NELL2: variants seen among roughly 807,000 people sequenced by gnomAD.
NELL2 encodes the protein protein kinase C-binding protein NELL2.
In NELL2, 41 loss-of-function variants were observed where a neutral mutation model predicts 109.6. The observed-to-expected ratio is 0.37, with a 90% confidence interval of 0.29 to 0.49. The LOEUF is 0.49. Ranked by LOEUF, NELL2 falls within the 20% of genes least tolerant of loss-of-function variation. The pLI is 0.98. For synonymous variants in NELL2, 355 were observed against 344.7 expected, an observed-to-expected ratio of 1.03 and a Z score of -0.33; for missense variants, 900 against 1,008.3, an observed-to-expected ratio of 0.89 and a Z score of 1.45.
chr12:44,543,302 C>T (rs967175925), intron 15 of NELL2, among the ~76,000 whole-genome samples: 1 of 152,118 alleles, frequency 6.6e-6, no homozygotes, highest in African/African-American at 2.4e-5. Context: ...TCAGCAAATC[C>T]TATTAGTAAT....
chr12:44,607,402 A>G, intron 14 of NELL2, 138 bp from the exon 15 acceptor site: 1 of 604,626 alleles, frequency 1.7e-6, no homozygotes. Context: ...TTCATGTAAT[A>G]TTTCCCATAC....
At chr12:44,710,420 T>C (rs1938133651) in intron 11 of NELL2, among the ~76,000 whole-genome samples, 2 of 152,078 alleles carry the variant, frequency 1.3e-5, no homozygotes, top group East Asian at 3.9e-4. Context: ...ATTAAGGATA[T>C]AGAGATGAAC....
intron 2 of NELL2, among the ~76,000 whole-genome samples, chr12:44,862,645 G>C (rs1477917024): frequency 1.3e-5 from 2 of 152,148 alleles, no homozygotes; most frequent in African/African-American, 4.8e-5. Flanking sequence ...ACAGTGAGCT[G>C]CACTTTTTTT....
chr12:44,889,399 T>C (rs1592705941), intron 1 of NELL2, among the ~76,000 whole-genome samples: 2 of 151,952 alleles, frequency 1.3e-5, no homozygotes, highest in Admixed American at 6.5e-5. Flanking sequence ...CAAAAGCTTA[T>C]CCCACCATGC....
At chr12:44,813,614 A>C (rs1237044819) in intron 3 of NELL2, among the ~76,000 whole-genome samples, 3 of 152,156 alleles carry the variant, frequency 2.0e-5, no homozygotes, top group African/African-American at 4.8e-5. Flanking sequence ...GAATACCCAA[A>C]AGTAAGGGGT....
intron 13 of NELL2, among the ~76,000 whole-genome samples, chr12:44,620,119 TTG>T (rs1194840745): frequency 6.0e-5 from 8 of 133,568 alleles, no homozygotes; most frequent in African/African-American, 2.6e-4. Context: ...CGCCTGGGTT[TTG>T]TTTTTTTTTT....
intron 3 of NELL2, among the ~76,000 whole-genome samples, chr12:44,786,660 A>G (rs1363804319): frequency 6.6e-6 from 1 of 152,196 alleles, no homozygotes; most frequent in African/African-American, 2.4e-5. Flanking sequence ...GATAAAGAAA[A>G]TGTGGCATAT....
At chr12:44,717,227 T>C (rs1265010956) in intron 9 of NELL2, among the ~76,000 whole-genome samples, 1 of 152,110 alleles carries the variant, frequency 6.6e-6, no homozygotes, top group Non-Finnish European at 1.5e-5. Flanking sequence ...TCAAAAAAGA[T>C]ATAATGATTC....
intron 9 of NELL2, among the ~76,000 whole-genome samples, chr12:44,749,261 G>C (rs1940537095): frequency 6.6e-6 from 1 of 152,236 alleles, no homozygotes; most frequent in South Asian, 2.1e-4. Flanking sequence ...AAGGTGAGAA[G>C]ATAAATAATG....
chr12:44,566,183 G>A (rs1394032321), intron 15 of NELL2, among the ~76,000 whole-genome samples: 1 of 152,120 alleles, frequency 6.6e-6, no homozygotes, highest in Non-Finnish European at 1.5e-5. Flanking sequence ...ATAACTCAAT[G>A]GCAAATGTGA....
At chr12:44,630,349 CAAAGAATTTTAAGT>C (rs756448708) in intron 13 of NELL2, among the ~76,000 whole-genome samples, 4 of 152,108 alleles carry the variant, frequency 2.6e-5, no homozygotes, top group African/African-American at 4.8e-5. Context: ...AAAATTTCTT[CAAAGAATTTTAAGT>C]AGAGGAACTA....
intron 1 of NELL2, among the ~76,000 whole-genome samples, chr12:44,903,506 A>G (rs1033341584): frequency 6.6e-6 from 1 of 152,166 alleles, no homozygotes; most frequent in Non-Finnish European, 1.5e-5. Context: ...TAGAACTAGA[A>G]ATACCATTTG....
At chr12:44,520,996 A>G (rs554964260) in intron 18 of NELL2, among the ~76,000 whole-genome samples, 2 of 152,354 alleles carry the variant, frequency 1.3e-5, no homozygotes, top group South Asian at 2.1e-4. Flanking sequence ...TCACACAAAT[A>G]GAAAGAAACT....
chr12:44,688,948 C>T (rs191010776), intron 12 of NELL2, among the ~76,000 whole-genome samples: 18 of 152,236 alleles, frequency 1.2e-4, no homozygotes, highest in Admixed American at 3.3e-4. Flanking sequence ...CATCACACTA[C>T]GAAGAAATGC....
Position 44,842,109 on chromosome 12 carries a change from G to GAGGAAGGAAGGAAGGAAGGA in NELL2, c.185-25993_185-25974dup, listed in dbSNP as rs1204151112. Among the ~76,000 whole-genome samples the GAGGAAGGAAGGAAGGAAGGA allele has an allele frequency of 4.1e-4, 16 of 38,740 alleles. 1 individual carries two copies. The East Asian group carries it at 4.2e-3, about 10-fold the overall frequency. 25.4% of individuals were successfully genotyped at this position (38,740 alleles called of 152,430 possible). On this transcript the variant is annotated intron_variant, in intron 2 of 19. Transcript: ENST00000429094. ...GAAGGGAGGGAGGGAGGGAGGGAGG[G>GAGGAAGGAAGGAAGGAAGGA]AGGAAGGAAGGAAGGAAGGAAGGAA...
intron 15 of NELL2, among the ~76,000 whole-genome samples, chr12:44,569,061 G>A (rs778680815): frequency 6.6e-6 from 1 of 151,994 alleles, no homozygotes; most frequent in Non-Finnish European, 1.5e-5. Context: ...AGGCCCCAGT[G>A]TCTGTTGTTT....
At chr12:44,896,728 T>C (rs1186664676) in intron 1 of NELL2, among the ~76,000 whole-genome samples, 1 of 152,150 alleles carries the variant, frequency 6.6e-6, no homozygotes, top group Non-Finnish European at 1.5e-5. Context: ...GTGTTTGACC[T>C]CCTCTGTGAA....
chr12:44,732,504 C>T (rs1939421542), intron 9 of NELL2, among the ~76,000 whole-genome samples: 1 of 151,846 alleles, frequency 6.6e-6, no homozygotes, highest in African/African-American at 2.4e-5. Flanking sequence ...ATATCAAATG[C>T]AGAAGAATGA....
At chr12:44,654,083 G>T (rs1334381755) in intron 13 of NELL2, among the ~76,000 whole-genome samples, 2 of 152,162 alleles carry the variant, frequency 1.3e-5, no homozygotes, top group African/African-American at 4.8e-5. Flanking sequence ...GTTTCAGCCA[G>T]ATGACTCACT....
Sources: allele counts gnomAD v4.1 joint callset (sites outside exome capture counted in the v4.1 genomes callset), GRCh38; gene constraint gnomAD v4.1.1; transcripts MANE v1.5; gene names NCBI Gene and HGNC (gene_info 2026-07-23, HGNC 2026-07-21).